Variants in FUT7 observed in about 807,000 individuals in gnomAD.
FUT7 encodes the protein alpha-(1,3)-fucosyltransferase 7.
In FUT7, 2 loss-of-function variants were observed where a neutral mutation model predicts 5.0. That is an observed-to-expected ratio of 0.40 (90% confidence interval 0.16 to 1.26). The LOEUF (loss-of-function observed/expected upper bound fraction) is 1.26, where lower values mean the gene tolerates loss of function less well. FUT7 is among the 50% of genes most tolerant of loss of function. The pLI is 0.32. For synonymous variants in FUT7, 218 were observed against 210.6 expected (o/e 1.03, Z -0.30); for missense variants, 461 against 489.8 (o/e 0.94, Z 0.55).
In FUT7 at chr9:137,031,527, T is replaced by C; in HGVS notation, c.212A>G (p.Tyr71Cys). 1.3e-6 allele frequency: 2 copies of C among 1,558,798 alleles called. No homozygotes were observed. Among genetic ancestry groups the C allele is most frequent in the South Asian group, 1.2e-5 (1 of 84,840 alleles). Reference sequence around the variant, plus strand: ...ACTCAGGTGGCAGCGGGCGATGCCGTAGCGGGTGCAGGTGTCGCTGGGCAG... The same window carrying C: ...ACTCAGGTGGCAGCGGGCGATGCCGCAGCGGGTGCAGGTGTCGCTGGGCAG... ...PELPSDTCTR[Y>C]GIARCHLSAN... is the part of the protein sequence containing the mutation. Residue 71 changes from tyrosine to cysteine, a missense_variant, in exon 2 of 2, where the codon TAC becomes TGC. Transcript: ENST00000314412.
In FUT7 at chr9:137,031,725, C is replaced by T. The variant is rs1831860423; in HGVS notation, c.14G>A (p.Gly5Glu). 2 of 1,543,860 alleles carry T rather than the reference C, an allele frequency of 1.3e-6. No homozygotes were observed. The highest frequency in any genetic ancestry group is 4.9e-5 in the East Asian group (2 of 40,984). ...TCGCAGCCTCCGGGTGGGGCCGTGCCCTGCAGCAGCACGAGGGAGGGGAGG... is the reference window on the plus strand; with the variant it reads ...TCGCAGCCTCCGGGTGGGGCCGTGCTCTGCAGCAGCACGAGGGAGGGGAGG... MNNA[G>E]HGPTRRLRGL... Residue 5 changes from glycine (G) to glutamate (E), a missense_variant and splice_region_variant, in exon 2 of 2, where the codon GGG (glycine) becomes GAG (glutamate). Gly to Glu is a moderately conservative substitution (Grantham distance 98). Transcript: ENST00000314412.
chr9:137,030,888 G>A lies in FUT7; in HGVS notation c.851C>T (p.Ala284Val), dbSNP rs147787607. The change falls in exon 2 of 2, where the codon GCG (alanine) becomes GTG (valine). Residue 284 changes from alanine (A) to valine (V), a missense_variant. By Grantham distance (64) the Ala-to-Val change is moderately conservative. Transcript: ENST00000314412. ...CTCATTCATGCCAGTGAGGAAAGCC[G>A]CCAGCTCTCGGGCTGAGCCAAAGTC... ...VDDFGSAREL[A>V]AFLTGMNESR... is the part of the protein sequence containing the mutation. 17 of 1,612,676 alleles carry A rather than the reference G, an allele frequency of 1.1e-5. No homozygotes were observed. The highest frequency in any genetic ancestry group is 8.3e-5 in the Admixed American group (5 of 60,010).
Position 137,031,275 on chromosome 9 carries a change from C to T in FUT7, c.464G>A (p.Arg155His), listed in dbSNP as rs748593636. 1.6e-5 allele frequency: 25 copies of T among 1,607,216 alleles called. No individual in the cohort carries two copies. The highest frequency in any genetic ancestry group is 4.5e-5 in the East Asian group (2 of 44,790). ...RDSDIFVPYG[R>H]LEPHWGPSPP... ...CGAGGGCCCCCAGTGGGGCTCCAGG[C>T]GGCCATAGGGCACAAAGATGTCCGA... is the stretch of plus-strand genomic sequence containing the variant. The change falls in exon 2 of 2, where the codon CGC (arginine) becomes CAC (histidine). Residue 155 changes from arginine (R) to histidine (H), a missense_variant. Arg to His is a conservative substitution (Grantham distance 29). Transcript: ENST00000314412.
Position 137,030,669 on chromosome 9 carries a change from C to G in FUT7, c.*41G>C. ...TGCCTGGTGGTTTGATTTCGACACC[C>G]AGCCCTTCCACCCACACCCACCTCC... is the stretch of plus-strand genomic sequence containing the variant. On this transcript the variant is annotated 3_prime_UTR_variant, in exon 2 of 2. Transcript: ENST00000314412. 3 of 1,609,472 alleles carry G rather than the reference C, an allele frequency of 1.9e-6. No homozygotes were observed. The highest frequency in any genetic ancestry group is 2.5e-6 in the Non-Finnish European group (3 of 1,178,086).
chr9:137,031,761 T>A, intron 1 of FUT7, 36 bp from the exon 2 acceptor site: 1 of 1,538,480 alleles, frequency 6.5e-7, no homozygotes, highest in Non-Finnish European at 8.7e-7. Flanking sequence ...CTCTGTCACT[T>A]GGGCTCAGGG....
At chr9:137,031,940 T>A in intron 1 of FUT7, 39 bp downstream of exon 1, 1 of 1,607,072 alleles carries the variant, frequency 6.2e-7, no homozygotes, top group Non-Finnish European at 8.5e-7. Context: ...GTTGCCTAGC[T>A]GTCCCCAGCT....
In FUT7 at chr9:137,030,354, C is replaced by T. The variant is rs1289513853; in HGVS notation, c.*356G>A. On this transcript the variant is annotated 3_prime_UTR_variant, in exon 2 of 2. Transcript: ENST00000314412. ...CAGGGCCTCTGCTACCGAGGAAGCT[C>T]GGGGTCCCAGGTTTGGCCCCCACAA... The T allele has an allele frequency of 6.7e-5, 22 of 327,968 alleles. No individual in the cohort carries two copies. Among genetic ancestry groups the T allele is most frequent in the East Asian group, 5.8e-4 (8 of 13,876 alleles). The allele number at this position is 327,968 out of a possible 1,614,324, so 20.3% of individuals were successfully genotyped here. A position where few individuals can be genotyped will look rare whatever the true frequency, so the allele number is the denominator to read the frequency against.
intron 1 of FUT7, 115 bp downstream of exon 1, chr9:137,031,864 C>G: frequency 6.8e-7 from 1 of 1,470,638 alleles, no homozygotes. Flanking sequence ...CCCCCGTCCT[C>G]CCCTCCCATG....
Position 137,030,899 on chromosome 9 carries a change from G to C in FUT7, c.840C>G (p.Ala280=). The change falls in exon 2 of 2, where the codon GCC becomes GCG. Residue 280 remains alanine, a synonymous_variant. Coordinates refer to ENST00000314412, the MANE Select transcript of FUT7 (RefSeq NM_004479.4). ...AFVHVDDFGS[A]RELAAFLTGM... ...CAGTGAGGAAAGCCGCCAGCTCTCG[G>C]GCTGAGCCAAAGTCATCCACATGCA... The C allele has an allele frequency of 6.2e-7, 1 of 1,612,782 alleles. No individual in the cohort carries two copies. The highest frequency in any genetic ancestry group is 8.5e-7 in the Non-Finnish European group (1 of 1,180,010).
chr9:137,030,546 C>T lies in FUT7; in HGVS notation c.*164G>A, dbSNP rs1831826109. ...GTTACCTCCCTCCCACTCTCACCTC[C>T]TCTGCATGCTCCAGTGCCCACCTGC... On this transcript the variant is annotated 3_prime_UTR_variant, in exon 2 of 2. Coordinates refer to ENST00000314412, the MANE Select transcript of FUT7 (RefSeq NM_004479.4). 3 of 791,104 alleles carry T rather than the reference C, an allele frequency of 3.8e-6. No homozygotes were observed. The highest frequency in any genetic ancestry group is 3.3e-5 in the South Asian group (2 of 60,958). 49.0% of individuals were successfully genotyped at this position (791,104 alleles called of 1,614,324 possible).
Position 137,030,513 on chromosome 9 carries a change from A to G in FUT7, c.*197T>C. 1.5e-6 allele frequency: 1 copy of G among 654,780 alleles called. No homozygotes were observed. Among genetic ancestry groups the G allele is most frequent in the Non-Finnish European group, 2.7e-6 (1 of 375,804 alleles). 40.6% of individuals were successfully genotyped at this position (654,780 alleles called of 1,614,324 possible). A position where few individuals can be genotyped will look rare whatever the true frequency, so the allele number is the denominator to read the frequency against. Reference sequence around the variant, plus strand: ...CCTTTCCCCTCCCGTCTGCCGCAGCAGGCACCCGTTACCTCCCTCCCACTC... The same window carrying G: ...CCTTTCCCCTCCCGTCTGCCGCAGCGGGCACCCGTTACCTCCCTCCCACTC... On this transcript the variant is annotated 3_prime_UTR_variant, in exon 2 of 2. Coordinates refer to ENST00000314412, the MANE Select transcript of FUT7 (RefSeq NM_004479.4).
chr9:137,031,661 G>A lies in FUT7; in HGVS notation c.78C>T (p.Ala26=), dbSNP rs1419847379. The change falls in exon 2 of 2, where the codon GCC becomes GCT. Residue 26 remains alanine (A), a synonymous_variant. Transcript: ENST00000314412. The part of the protein sequence containing the change: ...GVLAGVALLA[A]LWLLWLLGSA... Reference sequence around the variant, plus strand: ...ACCCCAGCAGCCACAGGAGCCAGAGGGCAGCGAGCAGAGCCACCCCGGCCA... The same window carrying A: ...ACCCCAGCAGCCACAGGAGCCAGAGAGCAGCGAGCAGAGCCACCCCGGCCA... 1 of 1,552,502 alleles carries A rather than the reference G, an allele frequency of 6.4e-7. No homozygotes were observed. The highest frequency in any genetic ancestry group is 1.9e-5 in the Admixed American group (1 of 51,286).
Position 137,031,999 on chromosome 9 carries a change from C to T in FUT7, c.-8G>A. On this transcript the variant is annotated 5_prime_UTR_variant, in exon 1 of 2. Coordinates refer to ENST00000314412, the MANE Select transcript of FUT7 (RefSeq NM_004479.4). ...CTCACCAGCATTATTCATCCACAGT[C>T]TCCCAGGATCAGTCAGCCAAGAGAC... 1 of 1,612,886 alleles carries T rather than the reference C, an allele frequency of 6.2e-7. No individual in the cohort carries two copies. The highest frequency in any genetic ancestry group is 8.5e-7 in the Non-Finnish European group (1 of 1,179,924).
In FUT7 at chr9:137,031,569, G is replaced by T. The variant is rs1227497614; in HGVS notation, c.170C>A (p.Thr57Asn). Residue 57 changes from threonine to asparagine, a missense_variant, in exon 2 of 2, where the codon ACT (threonine) becomes AAT (asparagine). Physicochemically the swap from Thr to Asn is moderately conservative, Grantham distance 65 (BLOSUM62 0). Coordinates refer to ENST00000314412, the MANE Select transcript of FUT7 (RefSeq NM_004479.4). Reference sequence around the variant, plus strand: ...GCTGGGCAGCTCTGGGGGCTGGTCAGTGAAGGGCCAGTGCCAGACAAGGAT... The same window carrying T: ...GCTGGGCAGCTCTGGGGGCTGGTCATTGAAGGGCCAGTGCCAGACAAGGAT... ...ITILVWHWPF[T>N]DQPPELPSDT... The T allele has an allele frequency of 6.4e-7, 1 of 1,568,858 alleles. No individual in the cohort carries two copies. The highest frequency in any genetic ancestry group is 1.2e-5 in the South Asian group (1 of 85,616).
Position 137,030,704 on chromosome 9 carries a change from C to A in FUT7, c.*6G>T. 1 of 1,612,578 alleles carries A rather than the reference C, an allele frequency of 6.2e-7. No individual in the cohort carries two copies. Among genetic ancestry groups the A allele is most frequent in the South Asian group, 1.1e-5 (1 of 91,030 alleles). On this transcript the variant is annotated 3_prime_UTR_variant, in exon 2 of 2. Coordinates refer to ENST00000314412, the MANE Select transcript of FUT7 (RefSeq NM_004479.4). ...ACCCACACCCACCTCCCCCGGCCAG[C>A]GGATCTCAGGCCTGAAACCAACCCT...
At position 137,031,703 on chromosome 9, in the gene FUT7, C is replaced by A. The variant is rs1831859859; in HGVS notation, c.36G>T (p.Leu12=). The change falls in exon 2 of 2, where the codon CTG becomes CTT. Residue 12 remains leucine (L), a synonymous_variant. Transcript: ENST00000314412. ...NNAGHGPTRR[L]RGLGVLAGVA... ...CCCCGGCCAGGACCCCCAAGCCTCGCAGCCTCCGGGTGGGGCCGTGCCCTG... is the reference window on the plus strand; with the variant it reads ...CCCCGGCCAGGACCCCCAAGCCTCGAAGCCTCCGGGTGGGGCCGTGCCCTG... 2 of 1,547,534 alleles carry A rather than the reference C, an allele frequency of 1.3e-6. No individual in the cohort carries two copies. Among genetic ancestry groups the A allele is most frequent in the East Asian group, 4.9e-5 (2 of 41,144 alleles).
rs1343169150 is a variant in FUT7, at chr9:137,031,701, C to T, written c.38G>A (p.Arg13Gln). 1.9e-6 allele frequency: 3 copies of T among 1,547,684 alleles called. No homozygotes were observed. The highest frequency in any genetic ancestry group is 4.9e-5 in the East Asian group (2 of 41,156). The change falls in exon 2 of 2, where the codon CGA (arginine) becomes CAA (glutamine). Residue 13 changes from arginine to glutamine, a missense_variant. Coordinates refer to ENST00000314412, the MANE Select transcript of FUT7 (RefSeq NM_004479.4). ...CACCCCGGCCAGGACCCCCAAGCCT[C>T]GCAGCCTCCGGGTGGGGCCGTGCCC... Reference protein sequence around the residue: ...NAGHGPTRRLRGLGVLAGVAL... With the variant: ...NAGHGPTRRLQGLGVLAGVAL...
At position 137,030,330 on chromosome 9, in the gene FUT7, A is replaced by T. The variant is rs375224355; in HGVS notation, c.*380T>A. ...CCCGTGCCTGTGTCTCGGGGACCAC[A>T]GGGCCTCTGCTACCGAGGAAGCTCG... On this transcript the variant is annotated 3_prime_UTR_variant, in exon 2 of 2. Transcript: ENST00000314412. 6 of 304,112 alleles carry T rather than the reference A, an allele frequency of 2.0e-5. No individual in the cohort carries two copies. The East Asian group carries it at 2.5e-4, about 12-fold the overall frequency. The allele number at this position is 304,112 out of a possible 1,614,324, so 18.8% of individuals were successfully genotyped here. A position where few individuals can be genotyped will look rare whatever the true frequency, so the allele number is the denominator to read the frequency against.
chr9:137,030,728 C>A lies in FUT7; in HGVS notation c.1011G>T (p.Glu337Asp). ...GCGGATCTCAGGCCTGAAACCAACC[C>A]TCAAGGTCCTCATAGACTTGGCTGC... ...LPRSQVYEDLEGWFQA is the reference protein window; with the variant it reads ...LPRSQVYEDLDGWFQA Residue 337 changes from glutamate (E) to aspartate (D), a missense_variant, in exon 2 of 2, where the codon GAG becomes GAT. Transcript: ENST00000314412. 6.2e-7 allele frequency: 1 copy of A among 1,612,828 alleles called. No individual in the cohort carries two copies. Among genetic ancestry groups the A allele is most frequent in the East Asian group, 2.2e-5 (1 of 44,880 alleles).
Sources: allele counts gnomAD v4.1 joint callset, GRCh38; gene constraint gnomAD v4.1.1; transcripts MANE v1.5; gene names NCBI Gene and HGNC (gene_info 2026-07-23, HGNC 2026-07-21).